The following CMSS1 variants were observed in gnomAD, a reference collection of about 807,000 sequenced individuals.
The protein encoded by CMSS1 is cms1 ribosomal small subunit homolog.
A neutral mutation model predicts 43.5 loss-of-function variants in CMSS1; 33 were observed. That is an observed-to-expected ratio of 0.76 (90% CI 0.57 to 1.01). The LOEUF is 1.01. Among genes scored for constraint, CMSS1 ranks in the 50% least tolerant of loss-of-function variants. CMSS1 has a pLI of 0.00. For synonymous variants in CMSS1, 115 were observed against 117.2 expected, an observed-to-expected ratio of 0.98 and a Z score of 0.12; for missense variants, 313 against 326.4, an observed-to-expected ratio of 0.96 and a Z score of 0.32.
chr3:99,889,139 T>G (rs780342909), intron 1 of CMSS1, among the ~76,000 whole-genome samples: 4 of 152,190 alleles, frequency 2.6e-5, no homozygotes, highest in Non-Finnish European at 5.9e-5. Context: ...ATTGTGTTGT[T>G]AAGATCTTCT....
At chr3:100,000,474 G>A (rs1709810765) in intron 1 of CMSS1, among the ~76,000 whole-genome samples, 2 of 152,178 alleles carry the variant, frequency 1.3e-5, no homozygotes, top group African/African-American at 4.8e-5. Flanking sequence ...GCCAAATCAA[G>A]GAAGGGGAGA....
At chr3:100,099,526 G>A (rs368404237) in intron 1 of CMSS1, among the ~76,000 whole-genome samples, 4 of 152,032 alleles carry the variant, frequency 2.6e-5, no homozygotes, top group African/African-American at 7.2e-5. Flanking sequence ...TATTTGTATC[G>A]GTCTAATTAT....
At chr3:99,877,876 T>G (rs1476302053) in intron 1 of CMSS1, among the ~76,000 whole-genome samples, 2 of 152,212 alleles carry the variant, frequency 1.3e-5, no homozygotes, top group Non-Finnish European at 2.9e-5. Flanking sequence ...CTAACAGTTT[T>G]GTAGCTTGTT....
intron 1 of CMSS1, among the ~76,000 whole-genome samples, chr3:99,893,623 A>G (rs554241632): frequency 2.0e-5 from 3 of 152,316 alleles, no homozygotes; most frequent in South Asian, 2.1e-4. Flanking sequence ...TCTAAGAATT[A>G]CATCATTTGT....
chr3:99,849,852 AT>A (rs757891591), intron 1 of CMSS1: 1 of 1,610,688 alleles, frequency 6.2e-7, no homozygotes, highest in African/African-American at 1.3e-5. Flanking sequence ...CAGAGTCTTG[AT>A]TTAATTTGTT....
chr3:100,131,265 G>A (rs1040701846), intron 1 of CMSS1, among the ~76,000 whole-genome samples: 1 of 152,170 alleles, frequency 6.6e-6, no homozygotes, highest in African/African-American at 2.4e-5. Flanking sequence ...TAGGCATCCC[G>A]ATTCTAGGGA....
chr3:100,157,425 T>A (rs1369256399), intron 2 of CMSS1, among the ~76,000 whole-genome samples: 1 of 152,228 alleles, frequency 6.6e-6, no homozygotes, highest in Non-Finnish European at 1.5e-5. Flanking sequence ...CTTAGATGTC[T>A]GAGGAACCTT....
At chr3:100,043,335 C>A (rs2065234238) in intron 1 of CMSS1, among the ~76,000 whole-genome samples, 2 of 152,194 alleles carry the variant, frequency 1.3e-5, no homozygotes, top group African/African-American at 4.8e-5. Flanking sequence ...TTGAAAGTCT[C>A]TCTGTCTCTG....
At chr3:99,985,693 A>G (rs948313646) in intron 1 of CMSS1, among the ~76,000 whole-genome samples, 4 of 151,898 alleles carry the variant, frequency 2.6e-5, no homozygotes, top group Non-Finnish European at 4.4e-5. Context: ...GGTTCAAGCA[A>G]TTCTCCTGCC....
intron 1 of CMSS1, among the ~76,000 whole-genome samples, chr3:99,856,222 G>A (rs1429025650): frequency 6.6e-6 from 1 of 152,242 alleles, no homozygotes; most frequent in Non-Finnish European, 1.5e-5. Flanking sequence ...AACCCAGGAA[G>A]ATGCACTTGA....
At chr3:99,992,580 C>T (rs561589369) in intron 1 of CMSS1, among the ~76,000 whole-genome samples, 17 of 152,028 alleles carry the variant, frequency 1.1e-4, no homozygotes, top group African/African-American at 4.1e-4. Context: ...TTGTCAGATG[C>T]ATAGTTGCAA....
At chr3:100,022,341 G>T (rs901835297) in intron 1 of CMSS1, among the ~76,000 whole-genome samples, 1 of 152,152 alleles carries the variant, frequency 6.6e-6, no homozygotes, top group Non-Finnish European at 1.5e-5. Flanking sequence ...CAGCCCTTGG[G>T]CTTCACCTGG....
At chr3:100,120,515 T>C (rs1015400569) in intron 1 of CMSS1, among the ~76,000 whole-genome samples, 4 of 152,208 alleles carry the variant, frequency 2.6e-5, no homozygotes, top group African/African-American at 9.7e-5. Flanking sequence ...TTCATTCTAA[T>C]CCTGTTTTCT....
intron 1 of CMSS1, among the ~76,000 whole-genome samples, chr3:100,132,032 G>GA (rs1425274870): frequency 6.6e-6 from 1 of 152,080 alleles, no homozygotes; most frequent in Admixed American, 6.6e-5. Flanking sequence ...TAACTGCAAT[G>GA]AAAAATGATA....
chr3:100,153,507 T>G (rs1333014533), intron 2 of CMSS1, among the ~76,000 whole-genome samples: 1 of 152,196 alleles, frequency 6.6e-6, no homozygotes, highest in East Asian at 1.9e-4. Flanking sequence ...AGGTGTGGTT[T>G]CTCCTGAGGC....
rs572687676 is a variant in CMSS1, at chr3:100,014,836, CTT to C, written c.65-132133_65-132132del. Among the ~76,000 whole-genome samples, 498 of 92,202 alleles carry C rather than the reference CTT, an allele frequency of 5.4e-3. 2 individuals are homozygous for C. The highest frequency in any genetic ancestry group is 8.1e-3 in the South Asian group (21 of 2,586). 60.5% of individuals were successfully genotyped at this position (92,202 alleles called of 152,430 possible). On this transcript the variant is annotated intron_variant, in intron 1 of 9. Coordinates refer to ENST00000421999, the MANE Select transcript of CMSS1 (RefSeq NM_032359.4). ...TTTTTTTTTTTTTGCTGTGTCAAAA[CTT>C]TTTATCTGATGCAACACCATTTGTC...
At chr3:99,884,771 T>G (rs991532872) in intron 1 of CMSS1, among the ~76,000 whole-genome samples, 1 of 152,234 alleles carries the variant, frequency 6.6e-6, no homozygotes, top group African/African-American at 2.4e-5. Flanking sequence ...TTTGTACAAT[T>G]TAACCATTGA....
intron 1 of CMSS1, among the ~76,000 whole-genome samples, chr3:99,875,050 AGTT>A (rs1705440413): frequency 6.6e-6 from 1 of 152,230 alleles, no homozygotes; most frequent in African/African-American, 2.4e-5. Context: ...TCTGTCACAT[AGTT>A]GTTAAAGTTT....
intron 1 of CMSS1, among the ~76,000 whole-genome samples, chr3:99,830,831 G>A (rs1428512808): frequency 6.6e-6 from 1 of 152,196 alleles, no homozygotes; most frequent in Non-Finnish European, 1.5e-5. Context: ...GATAGTGGTA[G>A]ATACAGAGAT....
Sources: allele counts gnomAD v4.1 joint callset (sites outside exome capture counted in the v4.1 genomes callset), GRCh38; gene constraint gnomAD v4.1.1; transcripts MANE v1.5; gene names NCBI Gene and HGNC (gene_info 2026-07-23, HGNC 2026-07-21).